The following EIF2AK1 variants were observed in gnomAD, a reference collection of about 807,000 sequenced individuals.
EIF2AK1 encodes eukaryotic translation initiation factor 2 alpha kinase 1.
EIF2AK1 carries 54 observed loss-of-function variants against 77.9 expected under a neutral mutation model. That is an observed-to-expected ratio of 0.69 (90% confidence interval 0.56 to 0.87). The LOEUF is 0.87. Among genes scored for constraint, EIF2AK1 ranks in the 40% least tolerant of loss-of-function variants. The pLI is 0.00. For synonymous variants in EIF2AK1, 314 were observed against 290.5 expected, an observed-to-expected ratio of 1.08 and a Z score of -0.82; for missense variants, 810 against 768.6, an observed-to-expected ratio of 1.05 and a Z score of -0.64.
Position 6,026,821 on chromosome 7 carries a change from G to C in EIF2AK1, c.1671C>G (p.Ala557=). 1 of 1,614,182 alleles carries C rather than the reference G, an allele frequency of 6.2e-7. No individual in the cohort carries two copies. Among genetic ancestry groups the C allele is most frequent in the Non-Finnish European group, 8.5e-7 (1 of 1,180,032 alleles). ...TTCTCGTTAAGTGCTGGATATACTT[G>C]GCTTGCACTGGACACCTTTTACGGA... ...ESLRKRCPVQ[A]KYIQHLTRRN... The change falls in exon 14 of 15, where the codon GCC becomes GCG. Residue 557 remains alanine (A), a synonymous_variant. Transcript: ENST00000199389.
chr7:6,044,837 G>A (rs1788400376), intron 6 of EIF2AK1, among the ~76,000 whole-genome samples, 176 bp from the exon 7 acceptor site: 1 of 152,180 alleles, frequency 6.6e-6, no homozygotes, highest in Non-Finnish European at 1.5e-5. Flanking sequence ...AGTATGCGGT[G>A]CATGAGATAT....
rs1186693298 is a variant in EIF2AK1 at position 6,033,982 on chromosome 7, C to T, written c.1332+3442G>A. On this transcript the variant is annotated intron_variant, in intron 11 of 14. Coordinates refer to ENST00000199389, the MANE Select transcript of EIF2AK1 (RefSeq NM_014413.4). This position sits in a 1 kb window ranked among gnomAD's most constrained non-coding sequence, Gnocchi z 4.4. ...ACCTCAACCAAATCAATGCCTGACA[C>T]TTAGCACGTGCTCAGTAATACTATC... Among the ~76,000 whole-genome samples, 2 of 152,068 alleles carry T rather than the reference C, an allele frequency of 1.3e-5. No homozygotes were observed. The highest frequency in any genetic ancestry group is 2.9e-5 in the Non-Finnish European group (2 of 68,024).
intron 5 of EIF2AK1, 77 bp from the exon 6 acceptor site, chr7:6,046,228 C>T: frequency 5.2e-6 from 4 of 773,830 alleles, no homozygotes; most frequent in Non-Finnish European, 7.8e-6. Flanking sequence ...TTAATCTGAG[C>T]TTAGACAATC....
At chr7:6,057,350 T>C (rs1340856503) in intron 1 of EIF2AK1, 1 of 152,098 alleles carries the variant, frequency 6.6e-6, no homozygotes, top group East Asian at 1.9e-4. Flanking sequence ...GGTTTGCACC[T>C]TTATTTTTTC....
chr7:6,042,370 A>C (rs1788322626), intron 8 of EIF2AK1, among the ~76,000 whole-genome samples: 1 of 151,798 alleles, frequency 6.6e-6, no homozygotes, highest in African/African-American at 2.4e-5. Context: ...AGGATCGCTT[A>C]AACCTGGGAG....
intron 6 of EIF2AK1, among the ~76,000 whole-genome samples, chr7:6,045,109 A>T (rs990389716): frequency 1.1e-3 from 165 of 144,370 alleles, no homozygotes; most frequent in Non-Finnish European, 1.4e-3. Flanking sequence ...AATAATAGAA[A>T]TTTTTTTTTT....
rs944770417 is a variant in EIF2AK1, at chr7:6,027,517, G to A, written c.1531-556C>T. Reference sequence around the variant, plus strand: ...TCCTAATCACTAAAAAGCTCAATGCGCCATCAAAAGGAAGAAAATTTTACT... The same window carrying A: ...TCCTAATCACTAAAAAGCTCAATGCACCATCAAAAGGAAGAAAATTTTACT... On this transcript the variant is annotated intron_variant, in intron 13 of 14. Transcript: ENST00000199389. The surrounding 1 kb of genome is among the most constrained non-coding windows in gnomAD (Gnocchi z 4.5). Among the ~76,000 whole-genome samples, 1 of 152,040 alleles carries A rather than the reference G, an allele frequency of 6.6e-6. No homozygotes were observed. The highest frequency in any genetic ancestry group is 2.4e-5 in the African/African-American group (1 of 41,424).
rs746283944 is a variant in EIF2AK1, at chr7:6,023,355, C to T, written c.*1318G>A. ...TCCAGACGATGTGCCCCATCGAAGG[C>T]GAAGGGAACATTGCACGTTTCTTGT... On this transcript the variant is annotated 3_prime_UTR_variant, in exon 15 of 15. Coordinates refer to ENST00000199389, the MANE Select transcript of EIF2AK1 (RefSeq NM_014413.4). The T allele has an allele frequency of 2.4e-5, 39 of 1,612,240 alleles. No individual in the cohort carries two copies. The highest frequency in any genetic ancestry group is 4.0e-5 in the African/African-American group (3 of 74,776).
Position 6,050,106 on chromosome 7 carries a change from A to G in EIF2AK1, c.278-61T>C, listed in dbSNP as rs377659465. The G allele has an allele frequency of 5.7e-5, 79 of 1,387,952 alleles. No individual in the cohort carries two copies. The African/African-American group carries it at 1.0e-3, about 18-fold the overall frequency. The allele number at this position is 1,387,952 out of a possible 1,614,324, so 86.0% of individuals were successfully genotyped here. ...ATCTTTAATAAAATGGCAATTTTAAAGTGTACACAGAGAATAACGTGTAAT... is the reference window on the plus strand; with the variant it reads ...ATCTTTAATAAAATGGCAATTTTAAGGTGTACACAGAGAATAACGTGTAAT... On this transcript the variant is annotated intron_variant, in intron 2 of 14. Coordinates refer to ENST00000199389, the MANE Select transcript of EIF2AK1 (RefSeq NM_014413.4).
intron 14 of EIF2AK1, among the ~76,000 whole-genome samples, chr7:6,025,506 C>T (rs140880162): frequency 3.3e-5 from 5 of 152,178 alleles, no homozygotes; most frequent in African/African-American, 9.6e-5. Context: ...AACCTGCTTA[C>T]GTGGACAATG....
rs957171969 is a variant in EIF2AK1 at position 6,036,278 on chromosome 7, C to T, written c.1332+1146G>A. On this transcript the variant is annotated intron_variant, in intron 11 of 14. Transcript: ENST00000199389. This position sits in a 1 kb window ranked among gnomAD's most constrained non-coding sequence, Gnocchi z 4.6. ...CCCTACAGGGTATCTGCAAAAGAAA[C>T]ATCAGGAATATTTATGGTGAGAAAT... The T allele has an allele frequency of 6.5e-7, 1 of 1,549,532 alleles. No homozygotes were observed. Among genetic ancestry groups the T allele is most frequent in the Non-Finnish European group, 8.7e-7 (1 of 1,146,756 alleles).
rs1402362966 is a variant in EIF2AK1, at chr7:6,040,906, A to G, written c.1105T>C (p.Leu369=). 6.2e-7 allele frequency: 1 copy of G among 1,614,130 alleles called. No homozygotes were observed. The highest frequency in any genetic ancestry group is 1.7e-5 in the Admixed American group (1 of 60,002). ...AAGTAATCTACCTCTGTCTGACCCAAAAAGTTGACATTTTCTTCGGAAGAT... is the reference window on the plus strand; with the variant it reads ...AAGTAATCTACCTCTGTCTGACCCAGAAAGTTGACATTTTCTTCGGAAGAT... The part of the protein sequence containing the change: ...EESSEENVNF[L]GQTEAQYHLM... The change falls in exon 9 of 15, where the codon TTG becomes CTG. Residue 369 remains leucine (L), a synonymous_variant. Coordinates refer to ENST00000199389, the MANE Select transcript of EIF2AK1 (RefSeq NM_014413.4).
Position 6,023,565 on chromosome 7 carries a change from G to A in EIF2AK1, c.*1108C>T, listed in dbSNP as rs1400110133. The A allele has an allele frequency of 6.2e-7, 1 of 1,614,208 alleles. No homozygotes were observed. The highest frequency in any genetic ancestry group is 8.5e-7 in the Non-Finnish European group (1 of 1,180,046). ...GGAATGAACTCACCGTAGCAGACGT[G>A]GTGCTGTGGTCTGTACTCCAGCAGA... On this transcript the variant is annotated 3_prime_UTR_variant, in exon 15 of 15. Coordinates refer to ENST00000199389, the MANE Select transcript of EIF2AK1 (RefSeq NM_014413.4).
chr7:6,042,571 G>C (rs757780923), intron 8 of EIF2AK1, among the ~76,000 whole-genome samples: 1 of 149,626 alleles, frequency 6.7e-6, no homozygotes, highest in Non-Finnish European at 1.5e-5. Context: ...AAAAGACAAA[G>C]ATAGCCCAGT....
rs1787550235 is a variant in EIF2AK1, at chr7:6,023,060, C to T, written c.*1613G>A. 2.1e-6 allele frequency: 1 copy of T among 476,444 alleles called. No individual in the cohort carries two copies. The highest frequency in any genetic ancestry group is 3.6e-6 in the Non-Finnish European group (1 of 275,710). 29.5% of individuals were successfully genotyped at this position (476,444 alleles called of 1,614,324 possible). A position where few individuals can be genotyped will look rare whatever the true frequency, so the allele number is the denominator to read the frequency against. The stretch of plus-strand genomic sequence containing the variant: ...GGTGGTCTGAGGTCCCTTCTAGCTT[C>T]AGAAGTGTCATAATCAAATACCAGG... On this transcript the variant is annotated 3_prime_UTR_variant, in exon 15 of 15. Coordinates refer to ENST00000199389, the MANE Select transcript of EIF2AK1 (RefSeq NM_014413.4).
At chr7:6,028,836 T>G (rs1483337568) in intron 12 of EIF2AK1, 82 bp downstream of exon 12, 1 of 1,444,842 alleles carries the variant, frequency 6.9e-7, no homozygotes, top group Admixed American at 1.9e-5. Flanking sequence ...CTATTAAATC[T>G]TTATGATTCT....
chr7:6,023,569 C>T lies in EIF2AK1; in HGVS notation c.*1104G>A, dbSNP rs1368842334. On this transcript the variant is annotated 3_prime_UTR_variant, in exon 15 of 15. Coordinates refer to ENST00000199389, the MANE Select transcript of EIF2AK1 (RefSeq NM_014413.4). ...TGAACTCACCGTAGCAGACGTGGTG[C>T]TGTGGTCTGTACTCCAGCAGATCGG... 1.2e-6 allele frequency: 2 copies of T among 1,614,088 alleles called. No homozygotes were observed. Among genetic ancestry groups the T allele is most frequent in the Non-Finnish European group, 1.7e-6 (2 of 1,180,044 alleles).
At chr7:6,045,181 C>T (rs939655548) in intron 6 of EIF2AK1, among the ~76,000 whole-genome samples, 23 of 151,346 alleles carry the variant, frequency 1.5e-4, no homozygotes, top group African/African-American at 5.6e-4. Flanking sequence ...CATCTTGGCT[C>T]ACTGCAATCA....
Position 6,048,821 on chromosome 7 carries a change from A to G in EIF2AK1, c.435T>C (p.Arg145=). The part of the protein sequence containing the change: ...VRQDPCEDIS[R]IQKIRSREVA... ...TTCACACATACCTGATTTTCTGGAT[A>G]CGAGAAATATCCTCACAAGGATCCT... Residue 145 remains arginine (R), a synonymous_variant, in exon 4 of 15, where the codon CGT becomes CGC. Coordinates refer to ENST00000199389, the MANE Select transcript of EIF2AK1 (RefSeq NM_014413.4). 6.3e-7 allele frequency: 1 copy of G among 1,586,514 alleles called. No homozygotes were observed. Among genetic ancestry groups the G allele is most frequent in the South Asian group, 1.2e-5 (1 of 83,490 alleles).
Sources: gnomAD v4.1 joint callset for allele counts (sites outside exome capture counted in the v4.1 genomes callset) on GRCh38, gnomAD v4.1.1 for gene constraint, Gnocchi (gnomAD v3.1) non-coding constraint, MANE v1.5 for transcripts, NCBI Gene and HGNC (gene_info 2026-07-23, HGNC 2026-07-21) for gene names.